Variants in MGMT observed in about 807,000 individuals in gnomAD.
The protein encoded by MGMT is methylated-DNA--protein-cysteine methyltransferase.
MGMT carries 14 observed loss-of-function variants against 15.9 expected under a neutral mutation model. The ratio of observed to expected loss-of-function variants is 0.88; its 90% CI spans 0.58 to 1.37. The LOEUF is 1.37. Among genes scored for constraint, MGMT ranks in the 40% most tolerant of loss-of-function variants. MGMT has a pLI of 0.00. For synonymous variants in MGMT, 130 were observed against 118.2 expected, an observed-to-expected ratio of 1.10 and a Z score of -0.65; for missense variants, 282 against 268.1, an observed-to-expected ratio of 1.05 and a Z score of -0.36.
At chr10:129,623,683 C>T (rs1291875383) in intron 2 of MGMT, among the ~76,000 whole-genome samples, 1 of 152,100 alleles carries the variant, frequency 6.6e-6, no homozygotes, top group Non-Finnish European at 1.5e-5. Flanking sequence ...CGTGCACCAC[C>T]ACGCCTGGCT....
chr10:129,744,904 A>G (rs374937055), intron 3 of MGMT, among the ~76,000 whole-genome samples: 24 of 152,262 alleles, frequency 1.6e-4, no homozygotes, highest in African/African-American at 5.5e-4. Flanking sequence ...CCCAGGCTCC[A>G]TGCTGACACC....
intron 2 of MGMT, among the ~76,000 whole-genome samples, chr10:129,551,612 T>C (rs1387275605): frequency 6.6e-6 from 1 of 152,200 alleles, no homozygotes; most frequent in East Asian, 1.9e-4. Flanking sequence ...AGGATCAGTG[T>C]CTTCTACACT....
At chr10:129,664,442 G>A (rs1334172996) in intron 2 of MGMT, among the ~76,000 whole-genome samples, 1 of 152,210 alleles carries the variant, frequency 6.6e-6, no homozygotes, top group Non-Finnish European at 1.5e-5. Flanking sequence ...GAAGAAGTTG[G>A]TGCAGTTGAC....
chr10:129,483,824 T>A (rs191874845), intron 1 of MGMT, among the ~76,000 whole-genome samples: 1 of 152,110 alleles, frequency 6.6e-6, no homozygotes, highest in Admixed American at 6.5e-5. Flanking sequence ...GAAGTGTTTC[T>A]GATTTTGGAT....
intron 4 of MGMT, among the ~76,000 whole-genome samples, chr10:129,759,992 G>A (rs576724608): frequency 6.6e-5 from 10 of 152,336 alleles, no homozygotes; most frequent in Admixed American, 5.9e-4. Flanking sequence ...CTTCCCATGC[G>A]TCTGCAGTCA....
At chr10:129,746,339 A>C (rs926656199) in intron 3 of MGMT, among the ~76,000 whole-genome samples, 8 of 150,132 alleles carry the variant, frequency 5.3e-5, no homozygotes, top group Middle Eastern at 3.4e-3. Flanking sequence ...AGTTCAATTT[A>C]TCTCTCTCTT....
At chr10:129,576,517 G>A (rs1418657551) in intron 2 of MGMT, among the ~76,000 whole-genome samples, 1 of 152,148 alleles carries the variant, frequency 6.6e-6, no homozygotes. Context: ...AATAAGTTAG[G>A]TATTGATGGG....
intron 2 of MGMT, among the ~76,000 whole-genome samples, chr10:129,704,718 C>T (rs1848139295): frequency 6.6e-6 from 1 of 152,042 alleles, no homozygotes; most frequent in African/African-American, 2.4e-5. Flanking sequence ...TCTGACCACC[C>T]TCCTGCTCCA....
intron 2 of MGMT, among the ~76,000 whole-genome samples, chr10:129,583,059 T>G (rs1010385729): frequency 9.9e-5 from 15 of 152,176 alleles, no homozygotes; most frequent in Non-Finnish European, 1.6e-4. Context: ...AAATCTTATA[T>G]CTTTCTGATA....
intron 3 of MGMT, among the ~76,000 whole-genome samples, chr10:129,710,244 C>A (rs1302299404): frequency 1.3e-5 from 2 of 152,232 alleles, no homozygotes; most frequent in African/African-American, 2.4e-5. Context: ...GTGGCCCTGC[C>A]CCTCTTGGAA....
chr10:129,479,079 G>T (rs1232758748), intron 1 of MGMT, among the ~76,000 whole-genome samples: 3 of 152,186 alleles, frequency 2.0e-5, no homozygotes, highest in South Asian at 2.1e-4. Flanking sequence ...GACAGCAGTT[G>T]TATCAGTTTA....
At chr10:129,593,855 C>G (rs1337103213) in intron 2 of MGMT, among the ~76,000 whole-genome samples, 2 of 152,180 alleles carry the variant, frequency 1.3e-5, no homozygotes, top group Non-Finnish European at 2.9e-5. Context: ...AATCCACGCT[C>G]CAGGTGAGGG....
At chr10:129,582,329 T>G (rs1004205794) in intron 2 of MGMT, among the ~76,000 whole-genome samples, 1 of 152,194 alleles carries the variant, frequency 6.6e-6, no homozygotes, top group Admixed American at 6.5e-5. Context: ...AGTGAATTAG[T>G]TCAGAGAGTC....
At chr10:129,639,014 CAG>C (rs201200074) in intron 2 of MGMT, among the ~76,000 whole-genome samples, 4,431 of 152,052 alleles carry the variant, frequency 0.029, 126 homozygotes, top group Admixed American at 0.091. Context: ...AATAGATTAA[CAG>C]AGTAAAACAT....
At chr10:129,661,361 A>G (rs1457409175) in intron 2 of MGMT, among the ~76,000 whole-genome samples, 11 of 152,198 alleles carry the variant, frequency 7.2e-5, no homozygotes, top group Non-Finnish European at 1.6e-4. Flanking sequence ...GATGCAGCCC[A>G]GACCCCCCTC....
In MGMT at chr10:129,701,921, G is replaced by A. The variant is rs1014335592; in HGVS notation, c.126-5974G>A. On this transcript the variant is annotated intron_variant, in intron 2 of 4. Coordinates refer to ENST00000651593, the MANE Select transcript of MGMT (RefSeq NM_002412.5). ...AAGGAAGCTTCTTGCAGGTAGGGAG[G>A]ACGCTTTTCCCTGGAATAGCTGCTG... 3.3e-5 allele frequency: 5 copies of A among 152,336 alleles called. No individual in the cohort carries two copies. The East Asian group carries it at 7.7e-4, about 24-fold the overall frequency. The allele number at this position is 152,336 out of a possible 1,614,324, so 9.4% of individuals were successfully genotyped here.
At chr10:129,693,239 G>T (rs1460762502) in intron 2 of MGMT, among the ~76,000 whole-genome samples, 1 of 152,218 alleles carries the variant, frequency 6.6e-6, no homozygotes, top group African/African-American at 2.4e-5. Context: ...ACTTTTCCAA[G>T]AAGTGTTTTC....
intron 2 of MGMT, among the ~76,000 whole-genome samples, chr10:129,570,708 G>A (rs1254082211): frequency 6.6e-6 from 1 of 152,142 alleles, no homozygotes; most frequent in Non-Finnish European, 1.5e-5. Flanking sequence ...GAAAAAAATT[G>A]ACTATTCATC....
intron 2 of MGMT, among the ~76,000 whole-genome samples, chr10:129,558,929 C>G (rs939772019): frequency 1.3e-5 from 2 of 152,172 alleles, no homozygotes; most frequent in African/African-American, 4.8e-5. Flanking sequence ...CTGTTCTGCT[C>G]TGGGGGCGGC....
Sources: allele counts gnomAD v4.1 joint callset (sites outside exome capture counted in the v4.1 genomes callset), GRCh38; gene constraint gnomAD v4.1.1; transcripts MANE v1.5; gene names NCBI Gene and HGNC (gene_info 2026-07-23, HGNC 2026-07-21).